TAFA2: variants seen among roughly 807,000 people sequenced by gnomAD.
TAFA2 encodes chemokine-like protein TAFA-2.
In TAFA2, 7 loss-of-function variants were observed where a neutral mutation model predicts 18.8. The observed-to-expected ratio is 0.37, with a 90% CI of 0.21 to 0.70. The LOEUF is 0.70. TAFA2 is among the 30% of genes least tolerant of loss of function. The probability of loss-of-function intolerance (pLI) is 0.53; values close to 1 mark genes in which losing one functional copy is unlikely to be tolerated. For missense variants in TAFA2, 122 were observed against 158.1 expected, an observed-to-expected ratio of 0.77 and a Z score of 1.23; for synonymous variants, 60 against 54.2, an observed-to-expected ratio of 1.11 and a Z score of -0.47.
In TAFA2 at chr12:61,860,508, T is replaced by TA. The variant is rs1189402607; in HGVS notation, c.106+6811dup. 3.9e-5 allele frequency among the ~76,000 whole-genome samples: 6 copies of TA among 152,328 alleles called. No individual in the cohort carries two copies. The East Asian group carries it at 9.6e-4, about 24-fold the overall frequency. On this transcript the variant is annotated intron_variant, in intron 2 of 4. Coordinates refer to ENST00000416284, the MANE Select transcript of TAFA2 (RefSeq NM_178539.5). ...CTAGGCTAAATTGGATCAAACAATT[T>TA]AAACTGTAAGAAAATCAGCATTCTG...
intron 1 of TAFA2, among the ~76,000 whole-genome samples, chr12:61,976,626 T>C (rs1879445184): frequency 6.6e-6 from 1 of 151,998 alleles, no homozygotes; most frequent in African/African-American, 2.4e-5. Context: ...GCCATGTTGG[T>C]GTGCTGCACC....
At chr12:61,718,345 A>G (rs1271676437) in intron 4 of TAFA2, among the ~76,000 whole-genome samples, 1 of 152,192 alleles carries the variant, frequency 6.6e-6, no homozygotes, top group Non-Finnish European at 1.5e-5. Flanking sequence ...ATGACATTCA[A>G]TGCTAGCAAA....
intron 2 of TAFA2, among the ~76,000 whole-genome samples, chr12:61,844,731 G>A (rs992863535): frequency 6.6e-6 from 1 of 152,082 alleles, no homozygotes; most frequent in Non-Finnish European, 1.5e-5. Context: ...CGTGGCTCAT[G>A]AACAATTATC....
At chr12:62,007,764 T>C (rs1395968453) in intron 1 of TAFA2, among the ~76,000 whole-genome samples, 2 of 152,244 alleles carry the variant, frequency 1.3e-5, no homozygotes, top group Non-Finnish European at 2.9e-5. Context: ...CATACATGTA[T>C]ACACTGTATA....
intron 1 of TAFA2, among the ~76,000 whole-genome samples, chr12:62,160,031 C>G (rs114581677): frequency 0.01 from 1,551 of 152,254 alleles, 22 homozygotes; most frequent in African/African-American, 0.035. Context: ...AGTCATTCAG[C>G]TCAAGAAATA....
At chr12:61,952,638 C>T (rs529768813) in intron 1 of TAFA2, among the ~76,000 whole-genome samples, 7 of 152,186 alleles carry the variant, frequency 4.6e-5, no homozygotes, top group East Asian at 1.9e-4. Context: ...AAGCAACTGA[C>T]GTCTTTATCT....
intron 1 of TAFA2, among the ~76,000 whole-genome samples, chr12:61,963,359 C>T (rs2710792): frequency 1.7e-4 from 26 of 151,934 alleles, no homozygotes; most frequent in African/African-American, 4.8e-4. Context: ...CATCATCTGT[C>T]GTTTCCTGAC....
chr12:62,071,173 A>T (rs1036935938), intron 1 of TAFA2, among the ~76,000 whole-genome samples: 1 of 152,226 alleles, frequency 6.6e-6, no homozygotes, highest in African/African-American at 2.4e-5. Flanking sequence ...TAAGTGCTAC[A>T]GAAAGACTAA....
chr12:61,911,899 A>G (rs1173721241), intron 1 of TAFA2, among the ~76,000 whole-genome samples: 1 of 152,172 alleles, frequency 6.6e-6, no homozygotes, highest in African/African-American at 2.4e-5. Context: ...TGTAGAGAAC[A>G]AGAACCAAAC....
chr12:62,218,684 A>C (rs2062747542), intron 1 of TAFA2, among the ~76,000 whole-genome samples: 1 of 152,186 alleles, frequency 6.6e-6, no homozygotes, highest in Non-Finnish European at 1.5e-5. Flanking sequence ...CTATGAATGA[A>C]ATAGATGTTT....
chr12:61,893,576 T>C (rs1003793618), intron 1 of TAFA2, among the ~76,000 whole-genome samples: 8 of 152,148 alleles, frequency 5.3e-5, no homozygotes, highest in African/African-American at 1.9e-4. Flanking sequence ...CAGACCATGA[T>C]GGATGGGTTG....
At chr12:62,040,158 A>T (rs1881720221) in intron 1 of TAFA2, among the ~76,000 whole-genome samples, 1 of 152,162 alleles carries the variant, frequency 6.6e-6, no homozygotes, top group Non-Finnish European at 1.5e-5. Flanking sequence ...CCAATGTAAG[A>T]CAGTCTGACT....
chr12:62,001,321 G>C (rs1880369110), intron 1 of TAFA2, among the ~76,000 whole-genome samples: 2 of 151,974 alleles, frequency 1.3e-5, no homozygotes, highest in South Asian at 4.2e-4. Context: ...GAGTGGTTTT[G>C]GATGATTCAA....
intron 1 of TAFA2, among the ~76,000 whole-genome samples, chr12:61,884,192 A>G (rs1875268710): frequency 6.6e-6 from 1 of 152,342 alleles, no homozygotes; most frequent in East Asian, 1.9e-4. Flanking sequence ...CGGAGGAATA[A>G]GAGGTAAGCT....
chr12:62,235,934 T>C (rs1293809432), intron 1 of TAFA2, among the ~76,000 whole-genome samples: 20 of 151,966 alleles, frequency 1.3e-4, no homozygotes, highest in South Asian at 2.1e-4. Flanking sequence ...AAAAATGTCT[T>C]ATAGACATGG....
chr12:61,990,802 G>A (rs190796950), intron 1 of TAFA2, among the ~76,000 whole-genome samples: 11 of 152,258 alleles, frequency 7.2e-5, no homozygotes, highest in Admixed American at 2.0e-4. Context: ...GCTTGAATCC[G>A]CATCTGATCA....
At chr12:62,144,415 G>T (rs1239696141) in intron 1 of TAFA2, among the ~76,000 whole-genome samples, 1 of 151,826 alleles carries the variant, frequency 6.6e-6, no homozygotes, top group Non-Finnish European at 1.5e-5. Context: ...AAGAGGTAAG[G>T]TCACCTAAGC....
chr12:62,094,660 A>C (rs1029606216), intron 1 of TAFA2, among the ~76,000 whole-genome samples: 32 of 152,082 alleles, frequency 2.1e-4, no homozygotes, highest in African/African-American at 6.5e-4. Flanking sequence ...TCTATTTCAG[A>C]TACTTCTAAA....
chr12:62,121,457 GAAAT>G (rs1870192476), intron 1 of TAFA2, among the ~76,000 whole-genome samples: 1 of 152,164 alleles, frequency 6.6e-6, no homozygotes, highest in Admixed American at 6.5e-5. Context: ...TTAGTTATGA[GAAAT>G]AACGAATTCC....
Sources: allele counts gnomAD v4.1 joint callset (sites outside exome capture counted in the v4.1 genomes callset), GRCh38; gene constraint gnomAD v4.1.1; transcripts MANE v1.5; gene names NCBI Gene and HGNC (gene_info 2026-07-23, HGNC 2026-07-21).